The following MRPS28 variants were observed in gnomAD, a reference collection of about 807,000 sequenced individuals.
MRPS28 encodes the protein small ribosomal subunit protein bS1m.
Under a neutral mutation model 10.8 loss-of-function variants are expected in MRPS28, and 7 were observed. The observed-to-expected ratio is 0.65, with a 90% CI of 0.37 to 1.22. MRPS28 has a LOEUF of 1.22. MRPS28 is among the 50% of genes most tolerant of loss of function. MRPS28 has a pLI of 0.02. For synonymous variants in MRPS28, 121 were observed against 93.3 expected, an observed-to-expected ratio of 1.30 and a Z score of -1.71; for missense variants, 265 against 232.9, an observed-to-expected ratio of 1.14 and a Z score of -0.90.
At chr8:79,976,141 T>G (rs1175948799) in intron 2 of MRPS28, among the ~76,000 whole-genome samples, 5 of 151,912 alleles carry the variant, frequency 3.3e-5, no homozygotes, top group Admixed American at 6.6e-5. Context: ...TGGAGTGCAA[T>G]GGCGCAATCT....
chr8:80,000,670 C>A (rs1302935493), intron 2 of MRPS28, among the ~76,000 whole-genome samples: 1 of 152,094 alleles, frequency 6.6e-6, no homozygotes, highest in Non-Finnish European at 1.5e-5. Context: ...ACACATAAAA[C>A]AAATTCAAAT....
intron 2 of MRPS28, among the ~76,000 whole-genome samples, chr8:79,959,428 T>C (rs1488245753): frequency 6.6e-6 from 1 of 152,132 alleles, no homozygotes; most frequent in Non-Finnish European, 1.5e-5. Context: ...AATGAAGCTT[T>C]TTCTAAGAAC....
chr8:79,997,201 G>A (rs796942372), intron 2 of MRPS28, among the ~76,000 whole-genome samples: 5 of 152,302 alleles, frequency 3.3e-5, no homozygotes, highest in African/African-American at 1.2e-4. Flanking sequence ...GATGGGAAAA[G>A]TGCTCTGTAT....
intron 2 of MRPS28, among the ~76,000 whole-genome samples, chr8:79,959,190 A>G (rs902017428): frequency 1.3e-5 from 2 of 152,166 alleles, no homozygotes; most frequent in Non-Finnish European, 2.9e-5. Flanking sequence ...CTTTAATAAT[A>G]GCAGTAAATC....
intron 2 of MRPS28, among the ~76,000 whole-genome samples, chr8:79,980,171 C>G (rs998547035): frequency 6.6e-6 from 1 of 152,194 alleles, no homozygotes; most frequent in African/African-American, 2.4e-5. Flanking sequence ...CTCACACCAA[C>G]CAGTACTTTG....
intron 2 of MRPS28, among the ~76,000 whole-genome samples, chr8:79,921,056 C>T (rs1319293959): frequency 6.6e-6 from 1 of 152,160 alleles, no homozygotes; most frequent in Admixed American, 6.5e-5. Flanking sequence ...AATCCTTTCC[C>T]CATTGCTTGT....
chr8:80,025,026 G>A (rs531520122), intron 1 of MRPS28, among the ~76,000 whole-genome samples: 7 of 152,278 alleles, frequency 4.6e-5, no homozygotes, highest in African/African-American at 1.7e-4. Context: ...AAGAAATAAT[G>A]ATTTGTTTAG....
intron 2 of MRPS28, among the ~76,000 whole-genome samples, chr8:79,922,884 T>C (rs991782246): frequency 9.2e-5 from 14 of 151,924 alleles, no homozygotes; most frequent in Non-Finnish European, 1.8e-4. Context: ...AAACAGAAAA[T>C]GAAGAAACAA....
At chr8:79,982,985 ACCCCCGAC>A (rs1340897654) in intron 2 of MRPS28, among the ~76,000 whole-genome samples, 5 of 123,102 alleles carry the variant, frequency 4.1e-5, no homozygotes, top group African/African-American at 1.7e-4. Flanking sequence ...CTGACGCCTG[ACCCCCGAC>A]CCCCGAGCAG....
At chr8:79,930,856 T>C (rs142496651) in intron 2 of MRPS28, among the ~76,000 whole-genome samples, 68 of 152,248 alleles carry the variant, frequency 4.5e-4, no homozygotes, top group Admixed American at 8.5e-4. Context: ...TGAAATAAAA[T>C]TCTGCAAAAA....
chr8:79,927,370 G>C (rs1464950441), intron 2 of MRPS28, among the ~76,000 whole-genome samples: 2 of 152,194 alleles, frequency 1.3e-5, no homozygotes, highest in Non-Finnish European at 2.9e-5. Context: ...GTTATTTCCT[G>C]ATTTCCTCAT....
chr8:80,019,094 C>T (rs1269920701), intron 1 of MRPS28, among the ~76,000 whole-genome samples: 1 of 151,536 alleles, frequency 6.6e-6, no homozygotes, highest in African/African-American at 2.4e-5. Flanking sequence ...TTAATGGGTA[C>T]AAAGAGTAGT....
At chr8:80,003,303 C>T in intron 1 of MRPS28, 123 bp from the exon 2 acceptor site, 1 of 708,108 alleles carries the variant, frequency 1.4e-6, no homozygotes, top group East Asian at 3.1e-5. Flanking sequence ...TGGAATTTTG[C>T]TTTAAAATGC....
chr8:80,021,750 G>C (rs551456190), intron 1 of MRPS28, among the ~76,000 whole-genome samples: 2 of 152,150 alleles, frequency 1.3e-5, no homozygotes, highest in African/African-American at 4.8e-5. Flanking sequence ...TGCTGGGCCC[G>C]AGAGACCAGT....
At position 79,962,388 on chromosome 8, in the gene MRPS28, C is replaced by T. The variant is rs1807395038; in HGVS notation, c.395+40611G>A. 2.6e-5 allele frequency among the ~76,000 whole-genome samples: 4 copies of T among 152,108 alleles called. No individual in the cohort carries two copies. In the South Asian group the frequency reaches 8.3e-4, roughly 31 times the overall value. On this transcript the variant is annotated intron_variant, in intron 2 of 2. Transcript: ENST00000276585. ...CTCTGGTTCAAAGGGCAGAATAATC[C>T]AGGCCAGTGGGCATCCTGAGTGCTT... is the stretch of plus-strand genomic sequence containing the variant.
intron 2 of MRPS28, among the ~76,000 whole-genome samples, chr8:79,921,101 G>C (rs1261432948): frequency 1.3e-5 from 2 of 152,132 alleles, no homozygotes; most frequent in East Asian, 3.9e-4. Flanking sequence ...GATAGTTGTA[G>C]ATATGAGGCA....
intron 2 of MRPS28, among the ~76,000 whole-genome samples, chr8:79,985,102 C>T (rs145767820): frequency 6.6e-6 from 1 of 152,104 alleles, no homozygotes; most frequent in East Asian, 1.9e-4. Flanking sequence ...AATCAAACTA[C>T]AACTCAGGAT....
intron 2 of MRPS28, among the ~76,000 whole-genome samples, chr8:79,998,487 T>C (rs1382447730): frequency 6.6e-6 from 1 of 152,230 alleles, no homozygotes; most frequent in African/African-American, 2.4e-5. Flanking sequence ...TTAAGTACTA[T>C]AGCTTAGATT....
intron 2 of MRPS28, among the ~76,000 whole-genome samples, chr8:79,976,703 C>T (rs115124462): frequency 0.015 from 2,213 of 152,110 alleles, 63 homozygotes; most frequent in African/African-American, 0.051. Flanking sequence ...GAGACTCTGT[C>T]TCAAAACAAA....
Sources: allele counts gnomAD v4.1 joint callset (sites outside exome capture counted in the v4.1 genomes callset), GRCh38; gene constraint gnomAD v4.1.1; transcripts MANE v1.5; gene names NCBI Gene and HGNC (gene_info 2026-07-23, HGNC 2026-07-21).